The following BTAF1 variants were observed in gnomAD, a reference collection of about 807,000 sequenced individuals.
The protein encoded by BTAF1 is B-TFIID TATA-box binding protein associated factor 1.
BTAF1 carries 38 observed loss-of-function variants against 227.1 expected under a neutral mutation model. That is an observed-to-expected ratio of 0.17 (90% confidence interval 0.13 to 0.22). The LOEUF is 0.22. Ranked by LOEUF, BTAF1 falls within the 10% of genes least tolerant of loss-of-function variation. The pLI is 1.00. For missense variants in BTAF1, 1,598 were observed against 2,204.0 expected, an observed-to-expected ratio of 0.73 and a Z score of 5.51; for synonymous variants, 742 against 751.9, an observed-to-expected ratio of 0.99 and a Z score of 0.21.
chr10:92,008,344 G>A lies in BTAF1; in HGVS notation c.3813+69G>A, dbSNP rs934183198. 13 of 1,386,650 alleles carry A rather than the reference G, an allele frequency of 9.4e-6. No individual in the cohort carries two copies. In the African/African-American group the frequency reaches 1.4e-4, roughly 15 times the overall value. The allele number at this position is 1,386,650 out of a possible 1,614,324, so 85.9% of individuals were successfully genotyped here. A position where few individuals can be genotyped will look rare whatever the true frequency, so the allele number is the denominator to read the frequency against. Reference sequence around the variant, plus strand: ...GAAGCGTTGTGGGTTTGTTGGGGGGGGCTTTTGTTTCTTTTTTGAGACAGA... The same window carrying A: ...GAAGCGTTGTGGGTTTGTTGGGGGGAGCTTTTGTTTCTTTTTTGAGACAGA... On this transcript the variant is annotated intron_variant, in intron 26 of 37. Transcript: ENST00000265990.
intron 32 of BTAF1, among the ~76,000 whole-genome samples, chr10:92,014,705 G>A (rs1850585004): frequency 6.6e-6 from 1 of 152,166 alleles, no homozygotes; most frequent in Non-Finnish European, 1.5e-5. Context: ...ATTCAGAAAA[G>A]TTACATAGCT....
At chr10:91,968,307 T>A (rs117451471) in intron 14 of BTAF1, among the ~76,000 whole-genome samples, 11 of 152,342 alleles carry the variant, frequency 7.2e-5, no homozygotes, top group Admixed American at 1.3e-4. Context: ...TATAGTATGC[T>A]GCCTTTTCAA....
At chr10:92,001,631 G>GA (rs757264989) in intron 25 of BTAF1, among the ~76,000 whole-genome samples, 2 of 150,940 alleles carry the variant, frequency 1.3e-5, no homozygotes, top group Non-Finnish European at 3.0e-5. Flanking sequence ...ATAGTTCCCA[G>GA]AAAAAAAAGC....
At chr10:91,931,201 T>C (rs1377406195) in intron 1 of BTAF1, among the ~76,000 whole-genome samples, 1 of 152,228 alleles carries the variant, frequency 6.6e-6, no homozygotes, top group Admixed American at 6.5e-5. Flanking sequence ...TCTTTCCTTT[T>C]TCTAGGCAGT....
chr10:91,950,016 C>CAT (rs1845638333), intron 4 of BTAF1, among the ~76,000 whole-genome samples: 1 of 152,008 alleles, frequency 6.6e-6, no homozygotes, highest in Non-Finnish European at 1.5e-5. Flanking sequence ...GTGACACATG[C>CAT]ATATGGTCCT....
rs143747829 is a variant in BTAF1, at chr10:91,995,725, A to T, written c.3310-644A>T. ...AAGTAGAGTCCATCTGTACGCTCTT[A>T]ATCTTCATAATTAGCAACATGCATT... is the stretch of plus-strand genomic sequence containing the variant. On this transcript the variant is annotated intron_variant, in intron 23 of 37. Coordinates refer to ENST00000265990, the MANE Select transcript of BTAF1 (RefSeq NM_003972.3). Among the ~76,000 whole-genome samples, 1,161 of 152,222 alleles carry T rather than the reference A, an allele frequency of 7.6e-3. 8 individuals are homozygous for T. The highest frequency in any genetic ancestry group is 0.014 in the South Asian group (69 of 4,820).
At position 91,966,623 on chromosome 10, in the gene BTAF1, G is replaced by A; in HGVS notation, c.1530-14G>A. 1 of 1,611,546 alleles carries A rather than the reference G, an allele frequency of 6.2e-7. No individual in the cohort carries two copies. On this transcript the variant is annotated splice_polypyrimidine_tract_variant and intron_variant, in intron 13 of 37. Transcript: ENST00000265990. ...CTTAGAATAAGTAAGATTAATTTGT[G>A]TCTTCTTTATTAGTATTCAGCAGTC... is the stretch of plus-strand genomic sequence containing the variant.
rs562238523 is a variant in BTAF1 at position 92,011,112 on chromosome 10, T to C, written c.4143T>C (p.Ala1381=). 1.2e-5 allele frequency: 20 copies of C among 1,606,244 alleles called. No homozygotes were observed. The South Asian group carries it at 2.0e-4, about 16-fold the overall frequency. Residue 1381 remains alanine (A), a synonymous_variant, in exon 29 of 38, where the codon GCT becomes GCC. Coordinates refer to ENST00000265990, the MANE Select transcript of BTAF1 (RefSeq NM_003972.3). The part of the protein sequence containing the change: ...HQVKRHNLIV[A]SYDVVRNDID... ...TAAAAAGGCACAATCTAATAGTGGC[T>C]TCATATGATGTTGTGAGGAATGACA...
chr10:91,957,142 G>A (rs7894570), intron 7 of BTAF1, 83 bp from the exon 8 acceptor site: 1 of 1,154,046 alleles, frequency 8.7e-7, no homozygotes, highest in Non-Finnish European at 1.3e-6. Context: ...ACTAGACCTA[G>A]AAATAAAATT....
chr10:91,959,673 AGTACAAAGTATGATCT>A, intron 9 of BTAF1, 96 bp from the exon 10 acceptor site: 1 of 433,748 alleles, frequency 2.3e-6, no homozygotes. Flanking sequence ...CCAAGTCCCC[AGTACAAAGTATGATCT>A]TTGTTTTTAA....
In BTAF1 at chr10:91,924,046, G is replaced by A. The variant is rs758295678; in HGVS notation, c.-31G>A. 143 of 1,604,268 alleles carry A rather than the reference G, an allele frequency of 8.9e-5. 2 individuals are homozygous for A. The South Asian group carries it at 1.5e-3, about 17-fold the overall frequency. On this transcript the variant is annotated 5_prime_UTR_variant, in exon 1 of 38. Transcript: ENST00000265990. ...GCCTCAGCTGCGCGGCGCGTAGGTC[G>A]CGGGGAGCTCCGAACCGCCGGCGCC...
chr10:91,939,548 C>A lies in BTAF1; in HGVS notation c.139-404C>A, dbSNP rs375005665. Reference sequence around the variant, plus strand: ...CTGCCTCCCGGGTTCAAGTGATTCTCCTGTCTCAGCCTCCCAAGTAGTCGG... The same window carrying A: ...CTGCCTCCCGGGTTCAAGTGATTCTACTGTCTCAGCCTCCCAAGTAGTCGG... On this transcript the variant is annotated intron_variant, in intron 2 of 37. Coordinates refer to ENST00000265990, the MANE Select transcript of BTAF1 (RefSeq NM_003972.3). 2.6e-5 allele frequency among the ~76,000 whole-genome samples: 4 copies of A among 152,288 alleles called. No individual in the cohort carries two copies. The East Asian group carries it at 7.7e-4, about 29-fold the overall frequency.
intron 17 of BTAF1, 160 bp from the exon 18 acceptor site, chr10:91,982,426 GA>G: frequency 1.9e-6 from 2 of 1,059,562 alleles, no homozygotes; most frequent in East Asian, 5.2e-5. Flanking sequence ...ATCTTCTTAT[GA>G]AGACAAGATA....
At chr10:91,980,655 TG>T in intron 15 of BTAF1, 97 bp downstream of exon 15, 2 of 920,886 alleles carry the variant, frequency 2.2e-6, no homozygotes, top group South Asian at 1.4e-5. Flanking sequence ...TCATATCTCA[TG>T]GAGATTTGAA....
intron 12 of BTAF1, among the ~76,000 whole-genome samples, chr10:91,963,690 AT>A (rs879865956): frequency 2.7e-4 from 41 of 152,184 alleles, no homozygotes; most frequent in African/African-American, 7.2e-4. Context: ...TAAAAACTAA[AT>A]TTTTTTTATG....
intron 34 of BTAF1, among the ~76,000 whole-genome samples, chr10:92,021,547 T>TC (rs1471828106): frequency 1.3e-5 from 2 of 151,938 alleles, no homozygotes; most frequent in African/African-American, 4.8e-5. Context: ...TTTTTTTTTT[T>TC]CTTTTTCTTT....
intron 21 of BTAF1, among the ~76,000 whole-genome samples, chr10:91,993,112 T>G (rs1388379942): frequency 6.6e-6 from 1 of 152,244 alleles, no homozygotes; most frequent in Non-Finnish European, 1.5e-5. Context: ...ATTGACAATA[T>G]TTCCCTATAA....
intron 23 of BTAF1, among the ~76,000 whole-genome samples, 181 bp from the exon 24 acceptor site, chr10:91,996,187 AT>A (rs2134048067): frequency 6.6e-6 from 1 of 152,284 alleles, no homozygotes; most frequent in East Asian, 1.9e-4. Context: ...GTTGTAATAC[AT>A]TAATTTGTAT....
At chr10:92,015,748 A>AT (rs1333165594) in intron 32 of BTAF1, among the ~76,000 whole-genome samples, 2 of 152,164 alleles carry the variant, frequency 1.3e-5, no homozygotes, top group African/African-American at 4.8e-5. Context: ...GCATTCACAG[A>AT]TTTTTTATTC....
Sources: gnomAD v4.1 joint callset for allele counts (sites outside exome capture counted in the v4.1 genomes callset) on GRCh38, gnomAD v4.1.1 for gene constraint, MANE v1.5 for transcripts, NCBI Gene and HGNC (gene_info 2026-07-23, HGNC 2026-07-21) for gene names.